Variants in ZMIZ1 observed in about 807,000 individuals in gnomAD.
The protein encoded by ZMIZ1 is zinc finger MIZ domain-containing protein 1.
ZMIZ1 carries 17 observed loss-of-function variants against 113.9 expected under a neutral mutation model. The ratio of observed to expected loss-of-function variants is 0.15; its 90% confidence interval spans 0.10 to 0.22. The LOEUF is 0.22. Ranked by LOEUF, ZMIZ1 falls within the 10% of genes least tolerant of loss-of-function variation. ZMIZ1 has a pLI of 1.00. For missense variants in ZMIZ1, 1,059 were observed against 1,477.8 expected (o/e 0.72, Z 4.65); for synonymous variants, 607 against 603.1 (o/e 1.01, Z -0.09).
intron 4 of ZMIZ1, among the ~76,000 whole-genome samples, chr10:79,198,131 C>T (rs180708768): frequency 0.017 from 2,571 of 151,922 alleles, 69 homozygotes; most frequent in African/African-American, 0.058. Flanking sequence ...TGGTGGTGGG[C>T]GCCTGTAGTC....
In ZMIZ1 at chr10:79,114,506, CGTGT is replaced by C. The variant is rs57304757; in HGVS notation, c.-336-4377_-336-4374del. ...GTGTGTGTGTGTGCGTGTGTGTGTG[CGTGT>C]GTGTGTGTGTGTGTGTGTGTGTGTG... is the stretch of plus-strand genomic sequence containing the variant. On this transcript the variant is annotated intron_variant, in intron 1 of 24. Transcript: ENST00000334512. Among the ~76,000 whole-genome samples the C allele has an allele frequency of 1.4e-3, 132 of 93,242 alleles. 1 individual carries two copies. The highest frequency in any genetic ancestry group is 0.011 in the East Asian group (34 of 3,010). The allele number at this position is 93,242 out of a possible 152,430, so 61.2% of individuals were successfully genotyped here.
rs187604183 is a variant in ZMIZ1, at chr10:79,263,385, G to T, written c.281-13796G>T. On this transcript the variant is annotated intron_variant, in intron 7 of 24. Coordinates refer to ENST00000334512, the MANE Select transcript of ZMIZ1 (RefSeq NM_020338.4). ...AGGGAAGGGTGGGGTGGAGTCGGGG[G>T]TGCAAATGGTTGGAGGTGAGATGGT... Among the ~76,000 whole-genome samples, 98 of 152,278 alleles carry T rather than the reference G, an allele frequency of 6.4e-4. No homozygotes were observed. The Middle Eastern group carries it at 0.014, about 21-fold the overall frequency.
At chr10:79,199,398 T>G (rs1250561) in intron 4 of ZMIZ1, among the ~76,000 whole-genome samples, 1 of 151,684 alleles carries the variant, frequency 6.6e-6, no homozygotes, top group Admixed American at 6.6e-5. Context: ...CCCAGCTACT[T>G]GGGATGCTGA....
intron 7 of ZMIZ1, among the ~76,000 whole-genome samples, chr10:79,239,597 GGCTTCATTGTTCTCCCTCTAA>G (rs1420728726): frequency 3.3e-5 from 5 of 152,182 alleles, no homozygotes; most frequent in African/African-American, 1.2e-4. Flanking sequence ...AGCCGTCCCT[GGCTTCATTGTTCTCCCTCTAA>G]GCGGTCAGAG....
At chr10:79,206,797 G>A (rs756349225) in intron 5 of ZMIZ1, among the ~76,000 whole-genome samples, 4 of 152,182 alleles carry the variant, frequency 2.6e-5, no homozygotes, top group African/African-American at 7.2e-5. Context: ...CTGCGGCCCC[G>A]TGATGGAGGG....
At chr10:79,254,903 TG>T (rs1263365757) in intron 7 of ZMIZ1, among the ~76,000 whole-genome samples, 3 of 152,196 alleles carry the variant, frequency 2.0e-5, no homozygotes, top group Admixed American at 2.0e-4. Context: ...CCACTCTTGC[TG>T]GGGAAGAAGG....
At chr10:79,265,956 G>A (rs1180678508) in intron 7 of ZMIZ1, among the ~76,000 whole-genome samples, 1 of 152,214 alleles carries the variant, frequency 6.6e-6, no homozygotes, top group East Asian at 1.9e-4. Flanking sequence ...ATCCCTGCTA[G>A]CGGTGTGGAG....
rs564331013 is a variant in ZMIZ1, at chr10:79,217,018, C to G, written c.280+744C>G. On this transcript the variant is annotated intron_variant, in intron 7 of 24. Transcript: ENST00000334512. Reference sequence around the variant, plus strand: ...GGCACCCTGCTAGCTTTAAGCCGGACAGACCTGTCACTTGCTAAGTGTGTG... The same window carrying G: ...GGCACCCTGCTAGCTTTAAGCCGGAGAGACCTGTCACTTGCTAAGTGTGTG... 2.0e-5 allele frequency among the ~76,000 whole-genome samples: 3 copies of G among 152,354 alleles called. No homozygotes were observed. In the South Asian group the frequency reaches 6.2e-4, roughly 32 times the overall value.
intron 2 of ZMIZ1, among the ~76,000 whole-genome samples, chr10:79,130,312 G>A (rs776083397): frequency 6.6e-6 from 1 of 152,206 alleles, no homozygotes; most frequent in Non-Finnish European, 1.5e-5. Flanking sequence ...CCTAATATCA[G>A]CCTTCTTGTG....
intron 5 of ZMIZ1, 138 bp from the exon 6 acceptor site, chr10:79,208,191 ACTTACTG>A: frequency 1.6e-6 from 1 of 637,990 alleles, no homozygotes; most frequent in South Asian, 1.9e-5. Context: ...GCATGAGGAA[ACTTACTG>A]ATCCCAGCTA....
In ZMIZ1 at chr10:79,118,380, C is replaced by T. The variant is rs1349860321; in HGVS notation, c.-336-535C>T. On this transcript the variant is annotated intron_variant, in intron 1 of 24. Transcript: ENST00000334512. The surrounding 1 kb of genome is among the most constrained non-coding windows in gnomAD (Gnocchi z 4.1). The stretch of plus-strand genomic sequence containing the variant: ...GAAACTAGACTTCACTCCCAATGTC[C>T]AGGAGCTGGGCCTGGAGCGGGAGAG... Among the ~76,000 whole-genome samples the T allele has an allele frequency of 6.6e-6, 1 of 152,162 alleles. No homozygotes were observed. The highest frequency in any genetic ancestry group is 1.5e-5 in the Non-Finnish European group (1 of 68,020).
chr10:79,191,733 A>G (rs1235441782), intron 4 of ZMIZ1, among the ~76,000 whole-genome samples: 4 of 152,248 alleles, frequency 2.6e-5, no homozygotes, highest in African/African-American at 9.6e-5. Context: ...ACAGAAAAAC[A>G]TGGGCTTTGT....
chr10:79,264,440 C>A (rs557077405), intron 7 of ZMIZ1, among the ~76,000 whole-genome samples: 3 of 152,228 alleles, frequency 2.0e-5, no homozygotes, highest in Non-Finnish European at 4.4e-5. Flanking sequence ...AACCACCCAT[C>A]CCCTTCTCAG....
At chr10:79,249,673 G>T (rs113435128) in intron 7 of ZMIZ1, among the ~76,000 whole-genome samples, 2 of 152,236 alleles carry the variant, frequency 1.3e-5, no homozygotes, top group East Asian at 3.8e-4. Flanking sequence ...TCACGGGCTA[G>T]TGGCTACCAG....
At position 79,313,029 on chromosome 10, in the gene ZMIZ1, A is replaced by G. The variant is rs1223399094; in HGVS notation, c.*280A>G. On this transcript the variant is annotated 3_prime_UTR_variant, in exon 25 of 25. Transcript: ENST00000334512. ...CAGGCCTGAAGACCACCCTCCCGAG[A>G]GGAACCAGCCCGGTAAGAGGGCACA... 4 of 464,876 alleles carry G rather than the reference A, an allele frequency of 8.6e-6. No individual in the cohort carries two copies. Among genetic ancestry groups the G allele is most frequent in the South Asian group, 2.8e-5 (1 of 35,336 alleles). 28.8% of individuals were successfully genotyped at this position (464,876 alleles called of 1,614,324 possible).
At chr10:79,239,904 A>G (rs1007092598) in intron 7 of ZMIZ1, among the ~76,000 whole-genome samples, 2 of 32,188 alleles carry the variant, frequency 6.2e-5, no homozygotes, top group Non-Finnish European at 1.4e-4. Context: ...CCCCCACCCC[A>G]ACCCCACCCA....
intron 24 of ZMIZ1, 120 bp downstream of exon 24, chr10:79,311,304 G>GGGGGGGGGGGGGGGGGC: frequency 5.6e-6 from 2 of 359,150 alleles, no homozygotes; most frequent in East Asian, 7.5e-5. Flanking sequence ...TGGGCGGTGG[G>GGGGGGGGGGGGGGGGGC]AGGGCTTCAC....
At chr10:79,271,832 G>A (rs1013811970) in intron 7 of ZMIZ1, among the ~76,000 whole-genome samples, 1 of 152,150 alleles carries the variant, frequency 6.6e-6, no homozygotes, top group Non-Finnish European at 1.5e-5. Flanking sequence ...TGGGCAGAGG[G>A]GGCTTACGAA....
chr10:79,236,127 G>A (rs1389792242), intron 7 of ZMIZ1, among the ~76,000 whole-genome samples: 8 of 152,236 alleles, frequency 5.3e-5, no homozygotes, highest in South Asian at 2.1e-4. Context: ...CGATGGGTCC[G>A]ATGGTGGCTG....
Sources: allele counts gnomAD v4.1 joint callset (sites outside exome capture counted in the v4.1 genomes callset), GRCh38; gene constraint gnomAD v4.1.1; non-coding constraint Gnocchi (gnomAD v3.1); transcripts MANE v1.5; gene names NCBI Gene and HGNC (gene_info 2026-07-23, HGNC 2026-07-21).